SNRPD3: variants seen among roughly 807,000 people sequenced by gnomAD.
SNRPD3 encodes the protein small nuclear ribonucleoprotein Sm D3.
For synonymous variants in SNRPD3, 66 were observed against 58.4 expected, an observed-to-expected ratio of 1.13 and a Z score of -0.59; for missense variants, 73 against 167.5, an observed-to-expected ratio of 0.44 and a Z score of 3.11.
chr22:24,558,225 C>T (rs1339887544), intron 2 of SNRPD3: 1 of 154,288 alleles, frequency 6.5e-6, no homozygotes, highest in Admixed American at 6.5e-5. Context: ...TTGCAACTAC[C>T]TTGTGAGGTA....
intron 2 of SNRPD3, among the ~76,000 whole-genome samples, chr22:24,565,412 A>G (rs1050026634): frequency 6.6e-6 from 1 of 152,132 alleles, no homozygotes; most frequent in African/African-American, 2.4e-5. Context: ...GCCGTGGGGA[A>G]ATCACCTGGG....
chr22:24,561,442 A>ATT (rs1162206552), intron 2 of SNRPD3, among the ~76,000 whole-genome samples: 1 of 152,080 alleles, frequency 6.6e-6, no homozygotes, highest in African/African-American at 2.4e-5. Context: ...TCAACAATGA[A>ATT]TTTTTTTGAG....
chr22:24,566,590 C>G (rs1160052141), intron 2 of SNRPD3, among the ~76,000 whole-genome samples: 3 of 152,174 alleles, frequency 2.0e-5, no homozygotes, highest in Non-Finnish European at 4.4e-5. Flanking sequence ...AGTGTTCAAG[C>G]AGAGGCTGGG....
chr22:24,565,749 C>T (rs1231101710), intron 2 of SNRPD3, among the ~76,000 whole-genome samples: 1 of 152,142 alleles, frequency 6.6e-6, no homozygotes, highest in Non-Finnish European at 1.5e-5. Flanking sequence ...CAACCTCTAC[C>T]TCCCGGGTTC....
At chr22:24,560,090 ATTTT>A (rs71189257) in intron 2 of SNRPD3, among the ~76,000 whole-genome samples, 10 of 89,266 alleles carry the variant, frequency 1.1e-4, no homozygotes, top group South Asian at 3.9e-4. Flanking sequence ...TTTATAAAGA[ATTTT>A]TTTTTTTTTT....
At chr22:24,558,856 G>A (rs2045105534) in intron 2 of SNRPD3, among the ~76,000 whole-genome samples, 3 of 152,216 alleles carry the variant, frequency 2.0e-5, no homozygotes, top group African/African-American at 2.4e-5. Context: ...AACATGGGGA[G>A]AGAGTAGCCT....
At chr22:24,568,603 G>A (rs1490977555) in intron 3 of SNRPD3, among the ~76,000 whole-genome samples, 1 of 151,294 alleles carries the variant, frequency 6.6e-6, no homozygotes, top group Non-Finnish European at 1.5e-5. Context: ...TGTCGCCCAG[G>A]CTGGAGTGCA....
At chr22:24,564,896 T>TTTTTTTTTTTTTGG (rs1478479978) in intron 2 of SNRPD3, among the ~76,000 whole-genome samples, 1 of 151,050 alleles carries the variant, frequency 6.6e-6, no homozygotes, top group Non-Finnish European at 1.5e-5. Flanking sequence ...TTTTTTTTTT[T>TTTTTTTTTTTTTGG]TTTTTTTGAC....
Position 24,572,100 on chromosome 22 carries a change from G to A in SNRPD3, c.*123G>A, listed in dbSNP as rs1268974382. On this transcript the variant is annotated 3_prime_UTR_variant, in exon 4 of 4. Transcript: ENST00000215829. ...TCTTTCTCTTTAGATCAGGGGAAATGTTTAAGCTAAATAAATCTGGGGGGT... is the reference window on the plus strand; with the variant it reads ...TCTTTCTCTTTAGATCAGGGGAAATATTTAAGCTAAATAAATCTGGGGGGT... The A allele has an allele frequency of 6.5e-7, 1 of 1,533,458 alleles. No homozygotes were observed. The highest frequency in any genetic ancestry group is 1.4e-5 in the African/African-American group (1 of 72,608). 95.0% of individuals were successfully genotyped at this position (1,533,458 alleles called of 1,614,324 possible). A position where few individuals can be genotyped will look rare whatever the true frequency, so the allele number is the denominator to read the frequency against.
intron 2 of SNRPD3, among the ~76,000 whole-genome samples, chr22:24,564,158 C>T (rs547977360): frequency 2.0e-4 from 30 of 152,270 alleles, no homozygotes; most frequent in Non-Finnish European, 2.4e-4. Flanking sequence ...GGCATCCAAG[C>T]ACCTCTGCCT....
At chr22:24,568,577 A>G (rs920836197) in intron 3 of SNRPD3, among the ~76,000 whole-genome samples, 7 of 147,876 alleles carry the variant, frequency 4.7e-5, no homozygotes, top group Admixed American at 2.0e-4. Flanking sequence ...TATTTTTTTG[A>G]GATGGAGTCT....
At chr22:24,558,803 G>A (rs1273265740) in intron 2 of SNRPD3, among the ~76,000 whole-genome samples, 3 of 152,182 alleles carry the variant, frequency 2.0e-5, no homozygotes, top group African/African-American at 7.2e-5. Flanking sequence ...CTAGCATGGG[G>A]CAGAAATGGG....
At chr22:24,570,857 C>A (rs2045244092) in intron 3 of SNRPD3, among the ~76,000 whole-genome samples, 1 of 148,068 alleles carries the variant, frequency 6.8e-6, no homozygotes, top group Admixed American at 6.7e-5. Flanking sequence ...TCTCCATCAC[C>A]CAGGCTGCAG....
Position 24,574,382 on chromosome 22 carries a change from C to A in SNRPD3, c.*2405C>A, listed in dbSNP as rs913793763. On this transcript the variant is annotated 3_prime_UTR_variant, in exon 4 of 4. Coordinates refer to ENST00000215829, the MANE Select transcript of SNRPD3 (RefSeq NM_004175.5). ...AAAATCAGTTGACGCAGATTGAAAA[C>A]AAGTTGTTCCATAAGGTTTATTATG... is the stretch of plus-strand genomic sequence containing the variant. Among the ~76,000 whole-genome samples the A allele has an allele frequency of 6.6e-6, 1 of 152,184 alleles. No homozygotes were observed. The highest frequency in any genetic ancestry group is 1.5e-5 in the Non-Finnish European group (1 of 68,028).
chr22:24,574,179 C>T lies in SNRPD3; in HGVS notation c.*2202C>T, dbSNP rs868386008. ...ACTTAATAGTAGTGAACTGCATCCT[C>T]GATATCAAAAGCGACTTTTGATGTA... On this transcript the variant is annotated 3_prime_UTR_variant, in exon 4 of 4. Transcript: ENST00000215829. 6.6e-6 allele frequency among the ~76,000 whole-genome samples: 1 copy of T among 152,166 alleles called. No individual in the cohort carries two copies. Among genetic ancestry groups the T allele is most frequent in the Non-Finnish European group, 1.5e-5 (1 of 68,032 alleles).
intron 2 of SNRPD3, among the ~76,000 whole-genome samples, chr22:24,561,399 T>C (rs1022348824): frequency 1.3e-5 from 2 of 152,188 alleles, no homozygotes; most frequent in African/African-American, 4.8e-5. Flanking sequence ...TCTCTAAATA[T>C]GATCACATTC....
At chr22:24,570,564 T>G (rs965371303) in intron 3 of SNRPD3, among the ~76,000 whole-genome samples, 7 of 151,938 alleles carry the variant, frequency 4.6e-5, no homozygotes, top group Non-Finnish European at 1.0e-4. Flanking sequence ...GTCCCTGTAG[T>G]CCCAGCTACT....
chr22:24,560,090 A>ATTTTT (rs71189257), intron 2 of SNRPD3, among the ~76,000 whole-genome samples: 42,050 of 88,676 alleles, frequency 0.47, 11,821 homozygotes, highest in East Asian at 0.56. Context: ...TTTATAAAGA[A>ATTTTT]TTTTTTTTTT....
chr22:24,574,139 A>G lies in SNRPD3; in HGVS notation c.*2162A>G, dbSNP rs762286. On this transcript the variant is annotated 3_prime_UTR_variant, in exon 4 of 4. Transcript: ENST00000215829. ...TTACAGTAAACAGTACTTACTTTGA[A>G]TAATAACACATTACACTTAATAGTA... Among the ~76,000 whole-genome samples, 109,248 of 152,132 alleles carry G rather than the reference A, an allele frequency of 0.72. 41,470 individuals are homozygous for G. The highest frequency in any genetic ancestry group is 0.85 in the East Asian group (4,408 of 5,190).
Sources: allele counts gnomAD v4.1 joint callset (sites outside exome capture counted in the v4.1 genomes callset), GRCh38; gene constraint gnomAD v4.1.1; transcripts MANE v1.5; gene names NCBI Gene and HGNC (gene_info 2026-07-23, HGNC 2026-07-21).